The following ADGRL3 variants were observed in gnomAD, a reference collection of about 807,000 sequenced individuals.
ADGRL3 encodes the protein calcium-independent alpha-latrotoxin receptor 3.
A neutral mutation model predicts 153.5 loss-of-function variants in ADGRL3; 62 were observed. The ratio of observed to expected loss-of-function variants is 0.40; its 90% CI spans 0.33 to 0.50. ADGRL3 has a LOEUF of 0.50. Among genes scored for constraint, ADGRL3 ranks in the 20% least tolerant of loss-of-function variants. The pLI, the probability that ADGRL3 is intolerant of heterozygous loss-of-function variation, is 0.47. For synonymous variants in ADGRL3, 710 were observed against 672.5 expected (o/e 1.06, Z -0.86); for missense variants, 1,641 against 1,859.4 (o/e 0.88, Z 2.16).
At chr4:61,999,252 A>G (rs2099132185) in intron 21 of ADGRL3, among the ~76,000 whole-genome samples, 2 of 152,210 alleles carry the variant, frequency 1.3e-5, no homozygotes, top group African/African-American at 4.8e-5. Flanking sequence ...CTTTAACCCA[A>G]GTTCCACTTT....
At chr4:61,953,762 G>C (rs573563267) in intron 17 of ADGRL3, among the ~76,000 whole-genome samples, 1 of 152,182 alleles carries the variant, frequency 6.6e-6, no homozygotes, top group Non-Finnish European at 1.5e-5. Context: ...GGAGTCCTCA[G>C]AGAGGGCTTA....
chr4:61,291,383 T>C (rs1309975825), intron 1 of ADGRL3, among the ~76,000 whole-genome samples: 1 of 151,808 alleles, frequency 6.6e-6, no homozygotes, highest in Non-Finnish European at 1.5e-5. Context: ...GCATTTACAA[T>C]GTATTAGGTA....
At chr4:61,265,753 C>G (rs1365018985) in intron 1 of ADGRL3, among the ~76,000 whole-genome samples, 1 of 151,808 alleles carries the variant, frequency 6.6e-6, no homozygotes. Flanking sequence ...TTCGTCATTT[C>G]CAGCAGATAG....
intron 1 of ADGRL3, among the ~76,000 whole-genome samples, chr4:61,270,862 GTTTTCTAAGTTCAAA>G (rs927197874): frequency 3.3e-5 from 5 of 151,556 alleles, no homozygotes; most frequent in African/African-American, 1.2e-4. Context: ...TGATACTGTT[GTTTTCTAAGTTCAAA>G]TAGAAAAGGG....
chr4:62,041,768 T>C (rs990922758), intron 24 of ADGRL3, among the ~76,000 whole-genome samples: 7 of 152,140 alleles, frequency 4.6e-5, no homozygotes, highest in Non-Finnish European at 8.8e-5. Context: ...CTAAAACCCT[T>C]CCTGGTTATA....
chr4:61,677,127 G>T, intron 6 of ADGRL3, 192 bp downstream of exon 6: 2 of 503,876 alleles, frequency 4.0e-6, no homozygotes, highest in South Asian at 2.7e-5. Context: ...CTCTCCTACG[G>T]CATTTACTTG....
chr4:61,770,100 G>A (rs949814455), intron 8 of ADGRL3, among the ~76,000 whole-genome samples: 2 of 152,128 alleles, frequency 1.3e-5, no homozygotes, highest in Non-Finnish European at 2.9e-5. Flanking sequence ...TAAAATTTTA[G>A]TCATGATTCA....
intron 1 of ADGRL3, among the ~76,000 whole-genome samples, chr4:61,291,328 A>C (rs1353780920): frequency 6.6e-6 from 1 of 151,888 alleles, no homozygotes; most frequent in African/African-American, 2.4e-5. Context: ...CAATGATAAA[A>C]ATAATACAAA....
intron 1 of ADGRL3, among the ~76,000 whole-genome samples, chr4:61,333,107 A>C (rs1422208177): frequency 2.0e-5 from 3 of 152,112 alleles, no homozygotes; most frequent in African/African-American, 7.2e-5. Flanking sequence ...TTTTGAGTTT[A>C]AGTTATAAGC....
intron 5 of ADGRL3, among the ~76,000 whole-genome samples, chr4:61,591,472 A>G (rs1188414842): frequency 6.6e-6 from 1 of 152,126 alleles, no homozygotes; most frequent in Non-Finnish European, 1.5e-5. Flanking sequence ...ATTATTTTAA[A>G]GCTAAAAAAT....
intron 3 of ADGRL3, among the ~76,000 whole-genome samples, chr4:61,501,092 A>G (rs941818074): frequency 1.3e-5 from 2 of 152,174 alleles, no homozygotes; most frequent in Admixed American, 1.3e-4. Context: ...GAAGCCTGAC[A>G]GACCAGAGAT....
intron 9 of ADGRL3, among the ~76,000 whole-genome samples, chr4:61,847,588 A>ATATATATATAATATATTTTATAT: frequency 1.0e-5 from 1 of 99,606 alleles, no homozygotes; most frequent in South Asian, 2.6e-4. Flanking sequence ...GTGTGTGTGT[A>ATATATATATAATATATTTTATAT]TATATATATA....
At chr4:61,555,158 G>A (rs2098759481) in intron 4 of ADGRL3, among the ~76,000 whole-genome samples, 1 of 152,148 alleles carries the variant, frequency 6.6e-6, no homozygotes, top group African/African-American at 2.4e-5. Flanking sequence ...GGAAAGCAGA[G>A]AGAGCTCCTT....
chr4:61,369,031 GT>G (rs2096465931), intron 1 of ADGRL3, among the ~76,000 whole-genome samples: 2 of 152,244 alleles, frequency 1.3e-5, no homozygotes, highest in African/African-American at 4.8e-5. Flanking sequence ...CTCTCTGTTT[GT>G]CTGTTGTTGG....
At chr4:61,748,087 A>G (rs567018065) in intron 8 of ADGRL3, among the ~76,000 whole-genome samples, 12,403 of 150,684 alleles carry the variant, frequency 0.082, 1,003 homozygotes, top group African/African-American at 0.22. Flanking sequence ...GAGCCAAATC[A>G]TGAGTGAACT....
At chr4:61,555,603 G>A (rs1358672068) in intron 4 of ADGRL3, among the ~76,000 whole-genome samples, 2 of 152,156 alleles carry the variant, frequency 1.3e-5, no homozygotes, top group Admixed American at 6.6e-5. Context: ...TTGCAGGAAA[G>A]GGGTTCCAAT....
intron 1 of ADGRL3, among the ~76,000 whole-genome samples, chr4:61,372,803 C>A (rs1258529637): frequency 6.6e-6 from 1 of 152,170 alleles, no homozygotes; most frequent in East Asian, 1.9e-4. Flanking sequence ...CAAGCCTGGG[C>A]AATGGCGGGC....
rs559444685 is a variant in ADGRL3 at position 61,950,912 on chromosome 4, C to A, written c.2805+2636C>A. Among the ~76,000 whole-genome samples the A allele has an allele frequency of 7.2e-5, 11 of 152,326 alleles. No homozygotes were observed. In the South Asian group the frequency reaches 2.3e-3, roughly 32 times the overall value. The stretch of plus-strand genomic sequence containing the variant: ...CCATGTTTTGTGCCCTGAATGCTTT[C>A]TTTCCTGTCTTTTGCCTCTGTTTTA... On this transcript the variant is annotated intron_variant, in intron 17 of 26. Transcript: ENST00000683033.
At chr4:61,258,440 T>A (rs780540407) in intron 1 of ADGRL3, among the ~76,000 whole-genome samples, 2 of 152,206 alleles carry the variant, frequency 1.3e-5, no homozygotes, top group Non-Finnish European at 2.9e-5. Flanking sequence ...GTTTTTGTTC[T>A]GCTCCTCTGG....
Sources: gnomAD v4.1 joint callset for allele counts (sites outside exome capture counted in the v4.1 genomes callset) on GRCh38, gnomAD v4.1.1 for gene constraint, MANE v1.5 for transcripts, NCBI Gene and HGNC (gene_info 2026-07-23, HGNC 2026-07-21) for gene names.